WDR59: variants seen among roughly 807,000 people sequenced by gnomAD.
WDR59 encodes the protein WD repeat domain 59.
In WDR59, 100 loss-of-function variants were observed where a neutral mutation model predicts 131.2. The observed-to-expected ratio is 0.76, with a 90% CI of 0.65 to 0.90. The LOEUF is 0.90. Ranked by LOEUF, WDR59 falls within the 40% of genes least tolerant of loss-of-function variation. The pLI is 0.00. For missense variants in WDR59, 1,203 were observed against 1,262.2 expected (o/e 0.95, Z 0.71); for synonymous variants, 601 against 466.2 (o/e 1.29, Z -3.72).
chr16:74,887,006 T>G (rs957396657), intron 23 of WDR59, among the ~76,000 whole-genome samples: 2 of 152,162 alleles, frequency 1.3e-5, no homozygotes, highest in African/African-American at 4.8e-5. Flanking sequence ...TTACGAGGAC[T>G]TTTTGAACAA....
At chr16:74,903,804 G>A (rs937206947) in intron 18 of WDR59, 143 bp downstream of exon 18, 5 of 1,099,916 alleles carry the variant, frequency 4.5e-6, no homozygotes, top group Admixed American at 2.8e-5. Context: ...AAGGAACAAA[G>A]TAATGACTTT....
chr16:74,890,517 T>C (rs1964986963), intron 20 of WDR59, among the ~76,000 whole-genome samples: 1 of 152,160 alleles, frequency 6.6e-6, no homozygotes, highest in South Asian at 2.1e-4. Context: ...AAAAAGGCAG[T>C]CTATAACACA....
intron 17 of WDR59, among the ~76,000 whole-genome samples, chr16:74,904,762 C>T (rs907310142): frequency 1.3e-5 from 2 of 152,064 alleles, no homozygotes; most frequent in Non-Finnish European, 2.9e-5. Context: ...GATTTAAACA[C>T]TTAACTATAG....
chr16:74,900,520 A>G (rs888070313), intron 18 of WDR59, among the ~76,000 whole-genome samples: 7 of 152,230 alleles, frequency 4.6e-5, no homozygotes, highest in Non-Finnish European at 8.8e-5. Flanking sequence ...GTTTAAATGT[A>G]TGCAAGGCAA....
chr16:74,930,418 G>A (rs1331295407), intron 8 of WDR59, among the ~76,000 whole-genome samples: 5 of 152,086 alleles, frequency 3.3e-5, no homozygotes, highest in Non-Finnish European at 2.9e-5. Context: ...TGCTGAAGGT[G>A]TACCTCAGGG....
chr16:74,970,536 C>T (rs990477999), intron 1 of WDR59, among the ~76,000 whole-genome samples: 5 of 122,052 alleles, frequency 4.1e-5, no homozygotes, highest in African/African-American at 1.3e-4. Context: ...AAGCAGCTCT[C>T]CCAAGGACCT....
chr16:74,916,362 G>C, intron 11 of WDR59, 103 bp from the exon 12 acceptor site: 4 of 1,457,010 alleles, frequency 2.7e-6, no homozygotes, highest in South Asian at 1.2e-5. Context: ...GCAAAGGATG[G>C]GGATGTGTCA....
intron 18 of WDR59, among the ~76,000 whole-genome samples, chr16:74,903,387 T>C (rs550750199): frequency 6.6e-6 from 1 of 152,204 alleles, no homozygotes; most frequent in East Asian, 1.9e-4. Flanking sequence ...ATAACTACTT[T>C]AGGGACAATG....
intron 8 of WDR59, among the ~76,000 whole-genome samples, chr16:74,937,192 G>A (rs903565040): frequency 6.6e-6 from 1 of 152,130 alleles, no homozygotes; most frequent in Non-Finnish European, 1.5e-5. Context: ...GTCACAGAGA[G>A]GAAAGACAAA....
At position 74,908,910 on chromosome 16, in the gene WDR59, C is replaced by T. The variant is rs763696124; in HGVS notation, c.1710G>A (p.Pro570=). Reference sequence around the variant, plus strand: ...GCTTCTGCATCTCCCTGACTCACCTCGGAGTAGGCTCTGTGGGAGACACCG... The same window carrying T: ...GCTTCTGCATCTCCCTGACTCACCTTGGAGTAGGCTCTGTGGGAGACACCG... ...HRAVSPTEPT[P]RSLSALSAYH... The change falls in exon 17 of 26, where the codon CCG becomes CCA. Residue 570 remains proline (P), a splice_region_variant and synonymous_variant. Coordinates refer to ENST00000262144, the MANE Select transcript of WDR59 (RefSeq NM_030581.4). 21 of 1,613,838 alleles carry T rather than the reference C, an allele frequency of 1.3e-5. No homozygotes were observed. Among genetic ancestry groups the T allele is most frequent in the African/African-American group, 4.0e-5 (3 of 74,924 alleles).
chr16:74,879,380 C>T (rs1295731906), intron 25 of WDR59, among the ~76,000 whole-genome samples: 1 of 152,102 alleles, frequency 6.6e-6, no homozygotes, highest in Non-Finnish European at 1.5e-5. Flanking sequence ...ACAAGCCAAA[C>T]AAATAAGCTG....
intron 25 of WDR59, among the ~76,000 whole-genome samples, chr16:74,875,668 T>C (rs985471504): frequency 6.6e-6 from 1 of 152,238 alleles, no homozygotes; most frequent in African/African-American, 2.4e-5. Flanking sequence ...AGCTGCAATT[T>C]GCCCTTTGGC....
At chr16:74,902,955 T>A (rs193136615) in intron 18 of WDR59, among the ~76,000 whole-genome samples, 1 of 151,736 alleles carries the variant, frequency 6.6e-6, no homozygotes, top group Non-Finnish European at 1.5e-5. Context: ...TTCAACTAAA[T>A]GGTTTTGCTC....
intron 10 of WDR59, among the ~76,000 whole-genome samples, chr16:74,918,571 A>G (rs1374726119): frequency 1.3e-5 from 2 of 152,216 alleles, no homozygotes; most frequent in Non-Finnish European, 2.9e-5. Context: ...TCAATCCTTA[A>G]TGTACTTAAT....
chr16:74,899,853 G>A (rs1024576255), intron 18 of WDR59: 9 of 887,478 alleles, frequency 1.0e-5, no homozygotes, highest in African/African-American at 5.2e-5. Context: ...CCACACATCC[G>A]ATGGATTCCA....
Position 74,915,932 on chromosome 16 carries a change from G to A in WDR59, c.1162C>T (p.Pro388Ser), listed in dbSNP as rs1966346804. 1.4e-5 allele frequency: 23 copies of A among 1,614,066 alleles called. No homozygotes were observed. Among genetic ancestry groups the A allele is most frequent in the Non-Finnish European group, 1.8e-5 (21 of 1,180,020 alleles). Reference protein sequence around the residue: ...EERKSDQLGLPQTLQQEFSLI... With the variant: ...EERKSDQLGLSQTLQQEFSLI... ...GAGAATTCCTGCTGCAAGGTCTGAG[G>A]CAGCCCCAGTTGATCTGATTTCCTC... The change falls in exon 13 of 26, where the codon CCT (proline) becomes TCT (serine). Residue 388 changes from proline to serine, a missense_variant. Physicochemically the swap from Pro to Ser is moderately conservative, Grantham distance 74. Transcript: ENST00000262144.
At position 74,965,824 on chromosome 16, in the gene WDR59, TGAGA is replaced by T. The variant is rs1567438378; in HGVS notation, c.55-6_55-3del. 4 of 1,614,024 alleles carry T rather than the reference TGAGA, an allele frequency of 2.5e-6. No individual in the cohort carries two copies. ...ACAGTCCACAGACATCGCAGTTGCC[TGAGA>T]GAGAGAACACAGAGTCAGTGCTGCC... On this transcript the variant is annotated splice_region_variant and splice_polypyrimidine_tract_variant and intron_variant, in intron 1 of 25. Coordinates refer to ENST00000262144, the MANE Select transcript of WDR59 (RefSeq NM_030581.4).
chr16:74,906,149 C>T (rs1367649154), intron 17 of WDR59, among the ~76,000 whole-genome samples: 2 of 150,928 alleles, frequency 1.3e-5, no homozygotes, highest in Non-Finnish European at 1.5e-5. Context: ...ATGGTCTCTA[C>T]TAAAAATACA....
intron 13 of WDR59, among the ~76,000 whole-genome samples, chr16:74,912,705 C>G (rs991058261): frequency 3.3e-5 from 5 of 152,048 alleles, no homozygotes; most frequent in African/African-American, 1.2e-4. Context: ...GAGCTGAGAG[C>G]CTTGAACAAA....
Sources: allele counts gnomAD v4.1 joint callset (sites outside exome capture counted in the v4.1 genomes callset), GRCh38; gene constraint gnomAD v4.1.1; transcripts MANE v1.5; gene names NCBI Gene and HGNC (gene_info 2026-07-23, HGNC 2026-07-21).